The following ATXN10 variants were observed in gnomAD, a reference collection of about 807,000 sequenced individuals.
The protein encoded by ATXN10 is ataxin 10, also known as ataxin-10.
A neutral mutation model predicts 52.9 loss-of-function variants in ATXN10; 28 were observed. The observed-to-expected ratio is 0.53, with a 90% CI of 0.39 to 0.73. The LOEUF is 0.73. Among genes scored for constraint, ATXN10 ranks in the 30% least tolerant of loss-of-function variants. The pLI, the probability that ATXN10 is intolerant of heterozygous loss-of-function variation, is 0.00. For synonymous variants in ATXN10, 226 were observed against 221.5 expected (o/e 1.02, Z -0.18); for missense variants, 565 against 577.0 (o/e 0.98, Z 0.21).
chr22:45,740,548 T>C lies in ATXN10; in HGVS notation c.1173+10T>C, dbSNP rs1263223302. The C allele has an allele frequency of 2.5e-6, 4 of 1,611,920 alleles. No individual in the cohort carries two copies. The highest frequency in any genetic ancestry group is 3.4e-6 in the Non-Finnish European group (4 of 1,178,216). Reference sequence around the variant, plus strand: ...AGATAACCAAGACAAGGTAAGAGGATTTCTTAGTATGTATTATACATGTAT... The same window carrying C: ...AGATAACCAAGACAAGGTAAGAGGACTTCTTAGTATGTATTATACATGTAT... On this transcript the variant is annotated intron_variant, in intron 9 of 11. Coordinates refer to ENST00000252934, the MANE Select transcript of ATXN10 (RefSeq NM_013236.4).
intron 6 of ATXN10, among the ~76,000 whole-genome samples, chr22:45,729,077 G>C (rs1043688057): frequency 6.6e-6 from 1 of 152,204 alleles, no homozygotes; most frequent in Non-Finnish European, 1.5e-5. Context: ...AATGGTGAAT[G>C]AATGTTAGCC....
chr22:45,844,716 A>G lies in ATXN10; in HGVS notation c.*1045A>G, dbSNP rs1929454771. 2 of 152,236 alleles carry G rather than the reference A, an allele frequency of 1.3e-5. No individual in the cohort carries two copies. 9.4% of individuals were successfully genotyped at this position (152,236 alleles called of 1,614,324 possible). The stretch of plus-strand genomic sequence containing the variant: ...GTCACGTTGTGAATGCTTAAAACAT[A>G]TTATTTTCTTCAACAACCATATCGC... On this transcript the variant is annotated 3_prime_UTR_variant, in exon 12 of 12. Transcript: ENST00000252934.
intron 10 of ATXN10, among the ~76,000 whole-genome samples, chr22:45,810,179 G>A (rs1928235076): frequency 1.3e-5 from 2 of 152,188 alleles, no homozygotes; most frequent in Admixed American, 1.3e-4. Context: ...AAGAACATGT[G>A]TTTGTTCACT....
chr22:45,804,056 TAAA>T (rs1569071637), intron 9 of ATXN10, among the ~76,000 whole-genome samples: 1 of 152,002 alleles, frequency 6.6e-6, no homozygotes, highest in African/African-American at 2.4e-5. Context: ...AAAATAAATC[TAAA>T]AAAAGGCATA....
chr22:45,753,195 C>T (rs891546480), intron 9 of ATXN10, among the ~76,000 whole-genome samples: 1 of 149,660 alleles, frequency 6.7e-6, no homozygotes, highest in Admixed American at 6.8e-5. Flanking sequence ...TCCTCCTCTC[C>T]ACCCGCGGTT....
intron 5 of ATXN10, among the ~76,000 whole-genome samples, chr22:45,707,700 C>T (rs1924095677): frequency 6.6e-6 from 1 of 150,400 alleles, no homozygotes; most frequent in African/African-American, 2.4e-5. Context: ...GTATTAGAGA[C>T]CACTAGAAGG....
Position 45,805,696 on chromosome 22 carries a change from G to A in ATXN10, c.1174-1263G>A, listed in dbSNP as rs1284373291. Among the ~76,000 whole-genome samples, 2 of 152,218 alleles carry A rather than the reference G, an allele frequency of 1.3e-5. No individual in the cohort carries two copies. Among genetic ancestry groups the A allele is most frequent in the Non-Finnish European group, 2.9e-5 (2 of 68,042 alleles). Reference sequence around the variant, plus strand: ...AAGGATAGTTGCCAAGGACTGGGGGGAGGGAAGAATAAGGAGTGACTGCCA... The same window carrying A: ...AAGGATAGTTGCCAAGGACTGGGGGAAGGGAAGAATAAGGAGTGACTGCCA... On this transcript the variant is annotated intron_variant, in intron 9 of 11. Transcript: ENST00000252934. This position sits in a 1 kb window ranked among gnomAD's most constrained non-coding sequence, Gnocchi z 4.4.
At chr22:45,680,902 T>C (rs1458510513) in intron 1 of ATXN10, among the ~76,000 whole-genome samples, 1 of 152,222 alleles carries the variant, frequency 6.6e-6, no homozygotes, top group African/African-American at 2.4e-5. Flanking sequence ...GAAATATGGC[T>C]CTGAGGACAT....
rs1928118388 is a variant in ATXN10 at position 45,806,942 on chromosome 22, A to G, written c.1174-17A>G. 1 of 1,606,238 alleles carries G rather than the reference A, an allele frequency of 6.2e-7. No homozygotes were observed. The highest frequency in any genetic ancestry group is 1.7e-5 in the Admixed American group (1 of 59,984). ...CATGCTGTTTTCAGTGTATAAACTT[A>G]TCTTCTTTCTCTCTAGGTAAATGAG... On this transcript the variant is annotated splice_polypyrimidine_tract_variant and intron_variant, in intron 9 of 11. Coordinates refer to ENST00000252934, the MANE Select transcript of ATXN10 (RefSeq NM_013236.4).
chr22:45,714,401 T>C (rs1443378660), intron 5 of ATXN10, among the ~76,000 whole-genome samples: 2 of 152,190 alleles, frequency 1.3e-5, no homozygotes, highest in Non-Finnish European at 2.9e-5. Flanking sequence ...TTTTATTTTT[T>C]TGAGACAGCG....
At chr22:45,788,732 C>A (rs1927404689) in intron 9 of ATXN10, among the ~76,000 whole-genome samples, 2 of 152,062 alleles carry the variant, frequency 1.3e-5, no homozygotes, top group African/African-American at 4.8e-5. Flanking sequence ...TCAAAGCTCC[C>A]TGGAACTTTG....
chr22:45,672,357 C>T (rs1382690403), intron 1 of ATXN10, 178 bp downstream of exon 1: 9 of 619,400 alleles, frequency 1.5e-5, no homozygotes, highest in Non-Finnish European at 1.9e-5. Context: ...GCCTCGTGCT[C>T]GTGGGTCCCC....
At chr22:45,740,308 T>A in intron 8 of ATXN10, 61 bp from the exon 9 acceptor site, 2 of 1,518,752 alleles carry the variant, frequency 1.3e-6, no homozygotes, top group Non-Finnish European at 1.8e-6. Flanking sequence ...GGAAAACTAT[T>A]AGTACAACAT....
rs1397812469 is a variant in ATXN10 at position 45,672,297 on chromosome 22, C to T, written c.116+118C>T. 23 of 1,097,936 alleles carry T rather than the reference C, an allele frequency of 2.1e-5. No individual in the cohort carries two copies. In the South Asian group the frequency reaches 4.4e-4, roughly 21 times the overall value. 68.0% of individuals were successfully genotyped at this position (1,097,936 alleles called of 1,614,324 possible). On this transcript the variant is annotated intron_variant, in intron 1 of 11. Transcript: ENST00000252934. ...CTCGCTGGAGACGCGGAGGGCGAGG[C>T]CTGCGCGGGCTGCCTGAGCGCCACC...
At chr22:45,714,973 G>T (rs908452718) in intron 5 of ATXN10, among the ~76,000 whole-genome samples, 2 of 152,054 alleles carry the variant, frequency 1.3e-5, no homozygotes, top group Non-Finnish European at 2.9e-5. Flanking sequence ...CTTCTCCTCC[G>T]TCCTTGCCCT....
intron 10 of ATXN10, among the ~76,000 whole-genome samples, chr22:45,822,515 T>C (rs1005301467): frequency 3.3e-5 from 5 of 150,992 alleles, no homozygotes; most frequent in Admixed American, 2.0e-4. Context: ...TTTATTTGAA[T>C]TTCTCCAATT....
chr22:45,717,770 G>C lies in ATXN10; in HGVS notation c.648-643G>C, dbSNP rs560616434. Among the ~76,000 whole-genome samples, 12 of 152,206 alleles carry C rather than the reference G, an allele frequency of 7.9e-5. No homozygotes were observed. In the South Asian group the frequency reaches 2.3e-3, roughly 29 times the overall value. ...CTGGTTATAATCAGTATATTCCTTA[G>C]TTCTTAAGTCTTTTCCTCAGATGCC... On this transcript the variant is annotated intron_variant, in intron 5 of 11. Transcript: ENST00000252934.
intron 6 of ATXN10, among the ~76,000 whole-genome samples, chr22:45,719,251 T>C (rs1924559880): frequency 6.6e-6 from 1 of 152,190 alleles, no homozygotes. Flanking sequence ...TGAAAATCTC[T>C]TAAAGTTGTT....
chr22:45,736,069 A>G (rs1925283112), intron 7 of ATXN10, among the ~76,000 whole-genome samples: 1 of 152,036 alleles, frequency 6.6e-6, no homozygotes, highest in South Asian at 2.1e-4. Context: ...ATTTTAGTTA[A>G]TATCATAGAA....
Sources: gnomAD v4.1 joint callset for allele counts (sites outside exome capture counted in the v4.1 genomes callset) on GRCh38, gnomAD v4.1.1 for gene constraint, Gnocchi (gnomAD v3.1) non-coding constraint, MANE v1.5 for transcripts, NCBI Gene and HGNC (gene_info 2026-07-23, HGNC 2026-07-21) for gene names.